Variants in LUC7L2 observed in about 807,000 individuals in gnomAD.
LUC7L2 encodes LUC7 like 2, pre-mRNA splicing factor, also known as putative RNA-binding protein Luc7-like 2.
LUC7L2 carries 25 observed loss-of-function variants against 52.8 expected under a neutral mutation model. That is an observed-to-expected ratio of 0.47 (90% CI 0.34 to 0.66). The LOEUF (loss-of-function observed/expected upper bound fraction) is 0.66. Among genes scored for constraint, LUC7L2 ranks in the 30% least tolerant of loss-of-function variants. LUC7L2 has a pLI of 0.01. For missense variants in LUC7L2, 328 were observed against 497.8 expected (o/e 0.66, Z 3.25); for synonymous variants, 144 against 160.9 (o/e 0.89, Z 0.80).
At chr7:139,374,289 A>G (rs1218988628) in intron 1 of LUC7L2, 1 of 784,490 alleles carries the variant, frequency 1.3e-6, no homozygotes, top group Non-Finnish European at 2.1e-6. Flanking sequence ...TTTTGTTTTT[A>G]TATAAAAGAA....
At chr7:139,404,104 G>C (rs1263813494) in intron 4 of LUC7L2, among the ~76,000 whole-genome samples, 1 of 152,230 alleles carries the variant, frequency 6.6e-6, no homozygotes, top group African/African-American at 2.4e-5. Flanking sequence ...AGTGATAATA[G>C]AATTGGACTC....
chr7:139,367,740 A>AG (rs1256624464), intron 1 of LUC7L2, among the ~76,000 whole-genome samples: 2 of 152,234 alleles, frequency 1.3e-5, no homozygotes, highest in Admixed American at 1.3e-4. Context: ...AGAGAGATCT[A>AG]GGAGATCCCT....
At chr7:139,421,586 G>A (rs10269108) in intron 9 of LUC7L2, among the ~76,000 whole-genome samples, 58,390 of 152,106 alleles carry the variant, frequency 0.38, 15,629 homozygotes, top group African/African-American at 0.76. Context: ...TAGATTTTTA[G>A]AAGTGGTTAT....
intron 2 of LUC7L2, among the ~76,000 whole-genome samples, chr7:139,386,488 T>C (rs2131245387): frequency 6.8e-6 from 1 of 146,636 alleles, no homozygotes; most frequent in South Asian, 2.1e-4. Flanking sequence ...TACTGCAAGC[T>C]CCGCCTCCCG....
intron 2 of LUC7L2, among the ~76,000 whole-genome samples, chr7:139,394,868 T>C (rs924420580): frequency 6.6e-6 from 1 of 152,218 alleles, no homozygotes; most frequent in Non-Finnish European, 1.5e-5. Flanking sequence ...AGTCATTCTT[T>C]CTGTGCAAAG....
intron 1 of LUC7L2, among the ~76,000 whole-genome samples, chr7:139,368,555 A>G (rs1449338942): frequency 3.9e-5 from 6 of 152,112 alleles, no homozygotes; most frequent in Non-Finnish European, 8.8e-5. Context: ...CCTGGCCAAC[A>G]TGGTGAAACC....
At chr7:139,415,351 A>G (rs750080552) in intron 8 of LUC7L2, among the ~76,000 whole-genome samples, 2 of 151,910 alleles carry the variant, frequency 1.3e-5, no homozygotes, top group Admixed American at 6.6e-5. Flanking sequence ...CTCCCCTAGT[A>G]TAGAACAGTG....
At chr7:139,406,857 A>AT (rs1397851108) in intron 5 of LUC7L2, among the ~76,000 whole-genome samples, 18 of 151,470 alleles carry the variant, frequency 1.2e-4, no homozygotes, top group African/African-American at 4.4e-4. Flanking sequence ...TTCTGATTTT[A>AT]TTGTTTTTTT....
chr7:139,357,465 A>G (rs1414408514), upstream of LUC7L2, among the ~76,000 whole-genome samples: 3 of 151,812 alleles, frequency 2.0e-5, no homozygotes, highest in Non-Finnish European at 2.9e-5. Flanking sequence ...TCAACAAAAC[A>G]TAATTATTGG....
chr7:139,359,578 G>A, upstream of LUC7L2: 1 of 377,848 alleles, frequency 2.6e-6, no homozygotes, highest in Non-Finnish European at 4.7e-6. Flanking sequence ...TTTCCGCCCA[G>A]GCTAACCTCT....
Position 139,409,551 on chromosome 7 carries a change from A to T in LUC7L2, c.688-12A>T. 1.3e-6 allele frequency: 2 copies of T among 1,599,890 alleles called. No individual in the cohort carries two copies. The highest frequency in any genetic ancestry group is 1.7e-6 in the Non-Finnish European group (2 of 1,173,084). On this transcript the variant is annotated splice_polypyrimidine_tract_variant and intron_variant, in intron 6 of 9. Coordinates refer to ENST00000354926, the MANE Select transcript of LUC7L2 (RefSeq NM_016019.5). ...TCAGTAAATATTCTCCTCATTTATT[A>T]CTGTTTTTAAGAGAGTCGTAGCTGA...
chr7:139,418,520 A>G (rs189678963), intron 9 of LUC7L2, among the ~76,000 whole-genome samples: 1 of 152,334 alleles, frequency 6.6e-6, no homozygotes, highest in Admixed American at 6.5e-5. Flanking sequence ...TTGAGTGCCT[A>G]GTACCTACTA....
At chr7:139,353,152 C>T (rs1799505261) in intron 1 of LUC7L2, among the ~76,000 whole-genome samples, 1 of 151,988 alleles carries the variant, frequency 6.6e-6, no homozygotes, top group Non-Finnish European at 1.5e-5. Context: ...AGCCAAGATC[C>T]CGCCACTGTA....
chr7:139,341,499 G>A, intron 1 of LUC7L2: 1 of 1,613,650 alleles, frequency 6.2e-7, no homozygotes, highest in Non-Finnish European at 8.5e-7. Flanking sequence ...TCGGTACCTT[G>A]TGAAGGCTTT....
chr7:139,354,113 G>GA (rs112772374), intron 1 of LUC7L2, among the ~76,000 whole-genome samples: 54,438 of 147,782 alleles, frequency 0.37, 13,763 homozygotes, highest in African/African-American at 0.73. Context: ...CTCGGTCTCA[G>GA]AAAAAAAAAA....
At chr7:139,375,978 A>G in intron 1 of LUC7L2, 84 bp from the exon 2 acceptor site, 1 of 1,414,774 alleles carries the variant, frequency 7.1e-7, no homozygotes, top group Non-Finnish European at 9.8e-7. Flanking sequence ...ATAGCCACAC[A>G]TAAAAAGCTA....
intron 1 of LUC7L2, chr7:139,344,801 C>G (rs1351453855): frequency 1.4e-5 from 2 of 145,580 alleles, no homozygotes; most frequent in African/African-American, 5.1e-5. Flanking sequence ...CTCCTGGGTT[C>G]ACGCCATTCT....
chr7:139,415,418 G>C (rs1795549467), intron 8 of LUC7L2, among the ~76,000 whole-genome samples: 2 of 151,912 alleles, frequency 1.3e-5, no homozygotes, highest in Admixed American at 1.3e-4. Flanking sequence ...TTTTTAAAAA[G>C]ATGAATAAAG....
intron 1 of LUC7L2, among the ~76,000 whole-genome samples, chr7:139,352,095 C>T (rs547851142): frequency 4.6e-5 from 7 of 152,074 alleles, no homozygotes; most frequent in South Asian, 4.1e-4. Flanking sequence ...CTCAGGAGGC[C>T]GAGGTAGGAA....
Sources: gnomAD v4.1 joint callset for allele counts (sites outside exome capture counted in the v4.1 genomes callset) on GRCh38, gnomAD v4.1.1 for gene constraint, MANE v1.5 for transcripts, NCBI Gene and HGNC (gene_info 2026-07-23, HGNC 2026-07-21) for gene names.